Variants in ARHGAP12 observed in about 807,000 individuals in gnomAD.
The protein encoded by ARHGAP12 is Rho GTPase activating protein 12.
In ARHGAP12, 64 loss-of-function variants were observed where a neutral mutation model predicts 108.6. The ratio of observed to expected loss-of-function variants is 0.59; its 90% CI spans 0.48 to 0.73. The LOEUF is 0.73. Ranked by LOEUF, ARHGAP12 falls within the 30% of genes least tolerant of loss-of-function variation. The pLI is 0.00. For synonymous variants in ARHGAP12, 312 were observed against 337.2 expected, an observed-to-expected ratio of 0.93 and a Z score of 0.82; for missense variants, 940 against 1,005.9, an observed-to-expected ratio of 0.93 and a Z score of 0.89.
chr10:31,826,405 C>A lies in ARHGAP12; in HGVS notation c.1449-20G>T, dbSNP rs753083860. ...TTCTTTCTGTAATTATAAAGATGAC[C>A]GATTAAAGCTCCAATCTCGAGTTCT... On this transcript the variant is annotated intron_variant, in intron 10 of 19. Transcript: ENST00000344936. 1.9e-6 allele frequency: 3 copies of A among 1,588,686 alleles called. No individual in the cohort carries two copies. Among genetic ancestry groups the A allele is most frequent in the South Asian group, 2.3e-5 (2 of 86,776 alleles).
At chr10:31,844,350 T>C (rs1162383067) in intron 6 of ARHGAP12, among the ~76,000 whole-genome samples, 2 of 152,218 alleles carry the variant, frequency 1.3e-5, no homozygotes, top group Non-Finnish European at 2.9e-5. Flanking sequence ...ACTTGTTATA[T>C]TTATGTCTTT....
At chr10:31,862,733 C>G (rs1253608899) in intron 3 of ARHGAP12, among the ~76,000 whole-genome samples, 3 of 151,090 alleles carry the variant, frequency 2.0e-5, no homozygotes, top group Admixed American at 1.3e-4. Flanking sequence ...CACACACACA[C>G]ACACACACAC....
intron 3 of ARHGAP12, among the ~76,000 whole-genome samples, chr10:31,877,624 A>C (rs1837779824): frequency 6.6e-6 from 1 of 152,242 alleles, no homozygotes; most frequent in African/African-American, 2.4e-5. Flanking sequence ...TAAAAAGTGA[A>C]ATCGTTTTCT....
chr10:31,809,825 T>A (rs1834949252), intron 16 of ARHGAP12: 1 of 152,456 alleles, frequency 6.6e-6, no homozygotes, highest in Non-Finnish European at 1.5e-5. Context: ...TTATTTTCTT[T>A]TATATGTGAA....
At chr10:31,843,396 C>T (rs773661020) in intron 7 of ARHGAP12, 65 bp downstream of exon 7, 38 of 1,470,684 alleles carry the variant, frequency 2.6e-5, no homozygotes, top group South Asian at 6.5e-5. Context: ...AATATTAGTA[C>T]GAATAGTTAC....
In ARHGAP12 at chr10:31,908,987, A is replaced by G. The variant is rs968005705; in HGVS notation, c.-71-61T>C. ...AAAGTTAATGCAATCTGGATTTCGT[A>G]TTTACTCACAAGCATCATATAGTAT... On this transcript the variant is annotated intron_variant, in intron 2 of 19. Coordinates refer to ENST00000344936, the MANE Select transcript of ARHGAP12 (RefSeq NM_018287.7). 4.5e-6 allele frequency: 4 copies of G among 883,704 alleles called. No homozygotes were observed. The East Asian group carries it at 1.0e-4, about 22-fold the overall frequency. The allele number at this position is 883,704 out of a possible 1,614,324, so 54.7% of individuals were successfully genotyped here.
rs550360913 is a variant in ARHGAP12 at position 31,839,905 on chromosome 10, T to C, written c.1297-194A>G. 2.6e-5 allele frequency among the ~76,000 whole-genome samples: 4 copies of C among 152,218 alleles called. No homozygotes were observed. The East Asian group carries it at 7.7e-4, about 29-fold the overall frequency. On this transcript the variant is annotated intron_variant, in intron 7 of 19. Transcript: ENST00000344936. ...GTTATTAAAAGTTTATAAAATATGG[T>C]GCTTTTTATAGCAATTACAGTTAAA...
intron 3 of ARHGAP12, among the ~76,000 whole-genome samples, chr10:31,868,620 G>C (rs1837421355): frequency 6.6e-6 from 1 of 152,114 alleles, no homozygotes; most frequent in Non-Finnish European, 1.5e-5. Context: ...AGTGGTGATA[G>C]TGGCTGGGGG....
At chr10:31,830,484 A>C (rs1319156347) in intron 10 of ARHGAP12, among the ~76,000 whole-genome samples, 2 of 152,160 alleles carry the variant, frequency 1.3e-5, no homozygotes, top group Non-Finnish European at 2.9e-5. Context: ...AAGAAAAATA[A>C]AGACTCAATT....
intron 6 of ARHGAP12, among the ~76,000 whole-genome samples, chr10:31,848,616 A>G (rs1366808203): frequency 1.3e-5 from 2 of 152,008 alleles, no homozygotes; most frequent in Non-Finnish European, 2.9e-5. Context: ...TTTTTATTTG[A>G]ATAACTATGT....
In ARHGAP12 at chr10:31,807,488, T is replaced by G. The variant is rs553892643; in HGVS notation, c.*170A>C. The stretch of plus-strand genomic sequence containing the variant: ...TATCAACTTGCAACAAAGCAGCAAA[T>G]ATGAGGGCCTAACACACATCTCGAC... On this transcript the variant is annotated 3_prime_UTR_variant, in exon 20 of 20. Transcript: ENST00000344936. 2.0e-6 allele frequency: 1 copy of G among 491,088 alleles called. No individual in the cohort carries two copies. The highest frequency in any genetic ancestry group is 4.1e-5 in the South Asian group (1 of 24,380). 30.4% of individuals were successfully genotyped at this position (491,088 alleles called of 1,614,324 possible).
chr10:31,817,729 T>TAAAA, intron 13 of ARHGAP12, 59 bp downstream of exon 13: 3 of 921,596 alleles, frequency 3.3e-6, no homozygotes, highest in African/African-American at 1.8e-5. Context: ...AATAAGCAAT[T>TAAAA]AAAAAAAAAA....
intron 1 of ARHGAP12, among the ~76,000 whole-genome samples, chr10:31,925,073 C>T (rs549060076): frequency 6.6e-6 from 1 of 152,282 alleles, no homozygotes; most frequent in Non-Finnish European, 1.5e-5. Context: ...TTTTTTCCAT[C>T]TGCAAAGTGC....
At chr10:31,874,545 A>T (rs923200864) in intron 3 of ARHGAP12, among the ~76,000 whole-genome samples, 5 of 152,224 alleles carry the variant, frequency 3.3e-5, no homozygotes, top group Admixed American at 6.5e-5. Context: ...AAAGAAAATT[A>T]AAAGTAGATG....
At chr10:31,849,259 G>A (rs1836581739) in intron 6 of ARHGAP12, among the ~76,000 whole-genome samples, 2 of 151,852 alleles carry the variant, frequency 1.3e-5, no homozygotes, top group Non-Finnish European at 1.5e-5. Context: ...CCTCCTTCCT[G>A]TCTAATAGTT....
intron 9 of ARHGAP12, among the ~76,000 whole-genome samples, chr10:31,835,706 G>C (rs1201762363): frequency 6.6e-6 from 1 of 152,084 alleles, no homozygotes; most frequent in African/African-American, 2.4e-5. Context: ...GTAATAATAA[G>C]ATTTTAAAAA....
intron 13 of ARHGAP12, among the ~76,000 whole-genome samples, chr10:31,816,581 G>C (rs1270760950): frequency 6.6e-6 from 1 of 152,132 alleles, no homozygotes; most frequent in African/African-American, 2.4e-5. Context: ...GACTAGAGCT[G>C]AAAGTCCATA....
chr10:31,853,046 C>T (rs1836758001), intron 5 of ARHGAP12, among the ~76,000 whole-genome samples: 1 of 152,106 alleles, frequency 6.6e-6, no homozygotes, highest in African/African-American at 2.4e-5. Flanking sequence ...AAATTTCTAA[C>T]TAATTATACT....
At chr10:31,818,944 T>C (rs997946163) in intron 12 of ARHGAP12, among the ~76,000 whole-genome samples, 2 of 152,142 alleles carry the variant, frequency 1.3e-5, no homozygotes, top group Non-Finnish European at 2.9e-5. Context: ...TCATGCACTT[T>C]TCTAGTGTTG....
Sources: allele counts gnomAD v4.1 joint callset (sites outside exome capture counted in the v4.1 genomes callset), GRCh38; gene constraint gnomAD v4.1.1; transcripts MANE v1.5; gene names NCBI Gene and HGNC (gene_info 2026-07-23, HGNC 2026-07-21).